The following FANCD2 variants were observed in gnomAD, a reference collection of about 807,000 sequenced individuals.
The protein encoded by FANCD2 is FA complementation group D2, also known as Fanconi anemia group D2 protein.
FANCD2 carries 131 observed loss-of-function variants against 192.3 expected under a neutral mutation model. The ratio of observed to expected loss-of-function variants is 0.68; its 90% CI spans 0.59 to 0.79. FANCD2 has a LOEUF of 0.79. Ranked by LOEUF, FANCD2 falls within the 30% of genes least tolerant of loss-of-function variation. The probability of loss-of-function intolerance (pLI) is 0.00; values close to 1 mark genes in which losing one functional copy is unlikely to be tolerated. For synonymous variants in FANCD2, 524 were observed against 612.5 expected (o/e 0.86, Z 2.13); for missense variants, 1,508 against 1,701.6 (o/e 0.89, Z 2.00).
At chr3:10,052,336 A>G (rs1373902970) in intron 17 of FANCD2, 51 bp from the exon 18 acceptor site, 1 of 1,199,020 alleles carries the variant, frequency 8.3e-7, no homozygotes, top group Non-Finnish European at 1.2e-6. Flanking sequence ...TTGAATTTTA[A>G]GGGAAAAATG....
chr3:10,064,997 G>A, intron 23 of FANCD2, 122 bp downstream of exon 23: 3 of 1,066,894 alleles, frequency 2.8e-6, no homozygotes, highest in African/African-American at 1.6e-5. Context: ...TATTTGGAGA[G>A]GTTAGGGAGA....
intron 43 of FANCD2, among the ~76,000 whole-genome samples, chr3:10,100,963 G>GGAGGCT (rs1301410051): frequency 2.0e-5 from 3 of 152,056 alleles, no homozygotes; most frequent in Admixed American, 6.6e-5. Flanking sequence ...CAGCTACTTG[G>GGAGGCT]GAGGCTGAGG....
At chr3:10,042,047 GC>G (rs1364754176) in intron 10 of FANCD2, among the ~76,000 whole-genome samples, 2 of 151,976 alleles carry the variant, frequency 1.3e-5, no homozygotes, top group African/African-American at 4.8e-5. Flanking sequence ...ACAGGCACCT[GC>G]CACCACTCCC....
chr3:10,090,282 C>A lies in FANCD2; in HGVS notation c.3684-10C>A. 1 of 1,607,838 alleles carries A rather than the reference C, an allele frequency of 6.2e-7. No individual in the cohort carries two copies. Among genetic ancestry groups the A allele is most frequent in the South Asian group, 1.1e-5 (1 of 90,922 alleles). ...ATGGTGTGGGCACGCATGCTTTTCC[C>A]GTCTTCTAGGCATACTTTTGTTGTT... On this transcript the variant is annotated splice_polypyrimidine_tract_variant and intron_variant, in intron 36 of 43. Coordinates refer to ENST00000675286, the MANE Select transcript of FANCD2 (RefSeq NM_001018115.3).
chr3:10,060,300 A>G lies in FANCD2; in HGVS notation c.1663A>G (p.Met555Val), dbSNP rs756558044. The change falls in exon 19 of 44, where the codon ATG (methionine) becomes GTG (valine). Residue 555 changes from methionine to valine, a missense_variant. By Grantham distance (21) the Met-to-Val change is conservative. Around this residue, in one of 5 missense-constraint regions of FANCD2, gnomAD observed 110 missense variants for 114.4 expected, o/e 0.96. Transcript: ENST00000675286. ...NEASSHIQDD[M>V]HLVIRKQLSS... ...CTTCATCATCTCATTGCAGGATGAC[A>G]TGCACTTGGTGATAAGAAAGCAGCT... 1.7e-5 allele frequency: 27 copies of G among 1,608,246 alleles called. No homozygotes were observed. The highest frequency in any genetic ancestry group is 9.9e-5 in the South Asian group (9 of 90,914).
intron 30 of FANCD2, among the ~76,000 whole-genome samples, chr3:10,078,871 A>C (rs1346712938): frequency 6.6e-6 from 1 of 151,750 alleles, no homozygotes; most frequent in African/African-American, 2.4e-5. Context: ...AGGCTGAGGC[A>C]TGGGGAGGAG....
At chr3:10,060,108 A>C in intron 18 of FANCD2, among the ~76,000 whole-genome samples, 186 bp from the exon 19 acceptor site, 1 of 151,178 alleles carries the variant, frequency 6.6e-6, no homozygotes, top group South Asian at 2.1e-4. Flanking sequence ...CAGAGGTTGC[A>C]GTGAGCCGAG....
intron 41 of FANCD2, chr3:10,095,484 T>C: frequency 1.7e-6 from 1 of 598,362 alleles, no homozygotes; most frequent in East Asian, 2.8e-5. Flanking sequence ...TGATTCAAAC[T>C]CCAAAGCTCT....
intron 19 of FANCD2, among the ~76,000 whole-genome samples, chr3:10,061,274 T>C (rs1459384148): frequency 6.6e-6 from 1 of 152,240 alleles, no homozygotes; most frequent in African/African-American, 2.4e-5. Flanking sequence ...ACTTTTATAC[T>C]TTCTCTAAGA....
In FANCD2 at chr3:10,046,336, A is replaced by T. The variant is rs571742493; in HGVS notation, c.1135-244A>T. 926 of 478,204 alleles carry T rather than the reference A, an allele frequency of 1.9e-3. 3 individuals are homozygous for T. The highest frequency in any genetic ancestry group is 3.9e-3 in the Middle Eastern group (6 of 1,542). 29.6% of individuals were successfully genotyped at this position (478,204 alleles called of 1,614,324 possible). A position where few individuals can be genotyped will look rare whatever the true frequency, so the allele number is the denominator to read the frequency against. On this transcript the variant is annotated intron_variant, in intron 14 of 43. Coordinates refer to ENST00000675286, the MANE Select transcript of FANCD2 (RefSeq NM_001018115.3). ...CCAAAGTGCTGGGATTACAGATGTG[A>T]GCCACTGTGCCTGGCCTGCTCTGTA...
At position 10,072,937 on chromosome 3, in the gene FANCD2, C is replaced by A; in HGVS notation, c.2561C>A (p.Thr854Asn). The change falls in exon 27 of 44, where the codon ACT becomes AAT. Residue 854 changes from threonine (T) to asparagine (N), a missense_variant. Thr to Asn is a moderately conservative substitution (Grantham distance 65). This residue lies in a region of FANCD2 where 796 missense variants were observed against 879.4 expected (regional missense o/e 0.91). Transcript: ENST00000675286. Reference protein sequence around the residue: ...DVETLDITPHTVTAISAKIRK... With the variant: ...DVETLDITPHNVTAISAKIRK... ...GAAACTTTAGATATAACACCTCATA[C>A]TGTTACTGCTATTTCAGCAAAAATC... 1 of 1,610,762 alleles carries A rather than the reference C, an allele frequency of 6.2e-7. No homozygotes were observed. Among genetic ancestry groups the A allele is most frequent in the South Asian group, 1.1e-5 (1 of 91,004 alleles).
chr3:10,048,971 A>C (rs2087115553), intron 16 of FANCD2, among the ~76,000 whole-genome samples: 1 of 152,120 alleles, frequency 6.6e-6, no homozygotes, highest in Non-Finnish European at 1.5e-5. Flanking sequence ...ATGCAAGTCT[A>C]GCCTGTACTA....
At chr3:10,066,116 C>G in intron 25 of FANCD2, 137 bp downstream of exon 25, 1 of 674,412 alleles carries the variant, frequency 1.5e-6, no homozygotes, top group South Asian at 1.5e-5. Flanking sequence ...TATGTCCCAC[C>G]ACTCCCCAGT....
intron 34 of FANCD2, 97 bp from the exon 35 acceptor site, chr3:10,088,344 CTAAACTAA>C: frequency 2.4e-6 from 2 of 823,852 alleles, no homozygotes; most frequent in Non-Finnish European, 4.3e-6. Flanking sequence ...CTTAGTAAAT[CTAAACTAA>C]TAATCCTTTT....
At chr3:10,081,664 A>T (rs1693846177) in intron 32 of FANCD2, 200 bp downstream of exon 32, 3 of 610,550 alleles carry the variant, frequency 4.9e-6, no homozygotes, top group Admixed American at 2.6e-5. Flanking sequence ...CCACTATGTT[A>T]ACCCATTTGA....
chr3:10,037,760 A>G (rs897368365), intron 7 of FANCD2: 2 of 152,234 alleles, frequency 1.3e-5, no homozygotes, highest in African/African-American at 4.8e-5. Flanking sequence ...AGTTAATATC[A>G]TACATTAATT....
At chr3:10,093,874 C>T (rs979737089) in intron 39 of FANCD2, among the ~76,000 whole-genome samples, 1 of 152,190 alleles carries the variant, frequency 6.6e-6, no homozygotes, top group Non-Finnish European at 1.5e-5. Context: ...TCCACCCTTG[C>T]GCAATGTGGG....
chr3:10,067,357 G>A (rs1365710923), intron 26 of FANCD2, 40 bp downstream of exon 26: 12 of 1,206,850 alleles, frequency 9.9e-6, no homozygotes, highest in African/African-American at 6.0e-5. Context: ...TACTAGGCCA[G>A]TAGTGAGGCA....
At chr3:10,065,771 A>G (rs2087702129) in intron 24 of FANCD2, 93 bp from the exon 25 acceptor site, 4 of 809,250 alleles carry the variant, frequency 4.9e-6, no homozygotes, top group Admixed American at 3.9e-5. Context: ...GTTAAAGGGG[A>G]AAGTAAATAG....
Sources: gnomAD v4.1 joint callset for allele counts (sites outside exome capture counted in the v4.1 genomes callset) on GRCh38, gnomAD v4.1.1 for gene constraint, gnomAD v4.1.1 regional missense constraint, MANE v1.5 for transcripts, NCBI Gene and HGNC (gene_info 2026-07-23, HGNC 2026-07-21) for gene names.